Variants in LRRC43 observed in about 807,000 individuals in gnomAD.
LRRC43 encodes leucine rich repeat containing 43.
Under a neutral mutation model 64.3 loss-of-function variants are expected in LRRC43, and 62 were observed. The ratio of observed to expected loss-of-function variants is 0.96; its 90% CI spans 0.79 to 1.19. LRRC43 has a LOEUF of 1.19. LRRC43 is among the 50% of genes most tolerant of loss of function. The pLI is 0.00. For missense variants in LRRC43, 868 were observed against 845.0 expected (o/e 1.03, Z -0.34); for synonymous variants, 422 against 382.3 (o/e 1.10, Z -1.21).
intron 1 of LRRC43, among the ~76,000 whole-genome samples, chr12:122,174,844 C>CTTT: frequency 7.0e-6 from 1 of 142,308 alleles, no homozygotes; most frequent in Non-Finnish European, 1.5e-5. Context: ...TATCTTTTTT[C>CTTT]TTTTTTTTTT....
At chr12:122,195,279 C>A (rs143986943) in intron 7 of LRRC43, among the ~76,000 whole-genome samples, 1 of 151,456 alleles carries the variant, frequency 6.6e-6, no homozygotes, top group African/African-American at 2.4e-5. Context: ...GAGGGAGTCT[C>A]GCCCTGTTGC....
chr12:122,170,971 C>T (rs573767163), intron 1 of LRRC43, among the ~76,000 whole-genome samples: 8 of 152,312 alleles, frequency 5.3e-5, no homozygotes, highest in East Asian at 1.9e-4. Context: ...AATGTTGCCA[C>T]GGGCTGCTGC....
intron 1 of LRRC43, among the ~76,000 whole-genome samples, chr12:122,176,459 G>A (rs985469389): frequency 6.6e-6 from 1 of 152,068 alleles, no homozygotes; most frequent in Non-Finnish European, 1.5e-5. Context: ...GCAGTGCTGG[G>A]CGGCTTTCAG....
intron 7 of LRRC43, among the ~76,000 whole-genome samples, chr12:122,197,532 G>A (rs1467789982): frequency 7.9e-5 from 12 of 152,154 alleles, no homozygotes; most frequent in Middle Eastern, 3.4e-3. Context: ...TGCCTGAGTC[G>A]TGAGGTTCGT....
At chr12:122,186,555 T>G (rs111227590) in intron 3 of LRRC43, among the ~76,000 whole-genome samples, 2,208 of 152,304 alleles carry the variant, frequency 0.014, 54 homozygotes, top group African/African-American at 0.05. Flanking sequence ...AGTTCAGAGC[T>G]GCGTTACTCA....
Position 122,203,464 on chromosome 12 carries a change from T to C in LRRC43, c.*22T>C. 5 of 1,584,712 alleles carry C rather than the reference T, an allele frequency of 3.2e-6. No homozygotes were observed. Among genetic ancestry groups the C allele is most frequent in the Non-Finnish European group, 4.3e-6 (5 of 1,165,426 alleles). On this transcript the variant is annotated 3_prime_UTR_variant, in exon 12 of 12. Transcript: ENST00000339777. Reference sequence around the variant, plus strand: ...GTAGGGCGTGGGCAGTAAAGGCTGTTCCCAGCACTCCCGCCTCCGCTTCTG... The same window carrying C: ...GTAGGGCGTGGGCAGTAAAGGCTGTCCCCAGCACTCCCGCCTCCGCTTCTG...
Position 122,192,375 on chromosome 12 carries a change from A to G in LRRC43, c.1090-370A>G, listed in dbSNP as rs563208463. On this transcript the variant is annotated intron_variant, in intron 6 of 11. Transcript: ENST00000339777. ...ATGGCCTGGATCTCCTGACCTCGTG[A>G]TCCGCCTGCCTCGGCCTCCCAAAGT... is the stretch of plus-strand genomic sequence containing the variant. 8.7e-4 allele frequency among the ~76,000 whole-genome samples: 132 copies of G among 150,988 alleles called. 1 individual carries two copies. The highest frequency in any genetic ancestry group is 3.0e-3 in the African/African-American group (124 of 41,156).
rs983834640 is a variant in LRRC43, at chr12:122,187,389, G to A, written c.523-312G>A. On this transcript the variant is annotated intron_variant, in intron 3 of 11. Transcript: ENST00000339777. Reference sequence around the variant, plus strand: ...CCTTATCCATCTAGGAGCCCTTTTGGCCTCCCAGAGACGCATTCCTATGGG... The same window carrying A: ...CCTTATCCATCTAGGAGCCCTTTTGACCTCCCAGAGACGCATTCCTATGGG... 16 of 244,836 alleles carry A rather than the reference G, an allele frequency of 6.5e-5. No individual in the cohort carries two copies. In the East Asian group the frequency reaches 1.2e-3, roughly 19 times the overall value. The allele number at this position is 244,836 out of a possible 1,614,324, so 15.2% of individuals were successfully genotyped here. A position where few individuals can be genotyped will look rare whatever the true frequency, so the allele number is the denominator to read the frequency against.
At position 122,190,271 on chromosome 12, in the gene LRRC43, C is replaced by T; in HGVS notation, c.804C>T (p.Gly268=). 6 of 1,614,210 alleles carry T rather than the reference C, an allele frequency of 3.7e-6. No homozygotes were observed. Among genetic ancestry groups the T allele is most frequent in the South Asian group, 1.1e-5 (1 of 91,086 alleles). The change falls in exon 5 of 12, where the codon GGC becomes GGT. Residue 268 remains glycine (G), a synonymous_variant. Transcript: ENST00000339777. ...TGGCCTTGGTGCCCTACTACCGCGG[C>T]CTCACCATCGACAGCCTGGCCCAGC... ...NPLALVPYYR[G]LTIDSLAQLC...
chr12:122,168,473 A>G (rs1953459194), intron 1 of LRRC43, among the ~76,000 whole-genome samples: 1 of 149,524 alleles, frequency 6.7e-6, no homozygotes, highest in African/African-American at 2.5e-5. Flanking sequence ...GGTTCTCACC[A>G]TGTTGGGATC....
intron 1 of LRRC43, among the ~76,000 whole-genome samples, chr12:122,168,301 C>T (rs1484005193): frequency 5.3e-5 from 8 of 151,288 alleles, no homozygotes; most frequent in Middle Eastern, 3.4e-3. Context: ...ATTAGCTGGG[C>T]GTGGTGGTGC....
upstream of LRRC43, chr12:122,183,114 C>T: frequency 4.6e-6 from 7 of 1,526,392 alleles, no homozygotes; most frequent in Non-Finnish European, 5.3e-6. Flanking sequence ...CGCACGCGTC[C>T]TAGCGGTTGC....
intron 7 of LRRC43, among the ~76,000 whole-genome samples, chr12:122,194,605 C>T (rs1408828068): frequency 6.6e-6 from 1 of 151,322 alleles, no homozygotes; most frequent in Non-Finnish European, 1.5e-5. Flanking sequence ...AAAGGATTTA[C>T]TTTCTGGTTT....
chr12:122,199,231 C>T (rs1247518919), intron 7 of LRRC43, among the ~76,000 whole-genome samples: 1 of 150,664 alleles, frequency 6.6e-6, no homozygotes, highest in South Asian at 2.1e-4. Flanking sequence ...TAGGAAACTC[C>T]AGTCCCCTCT....
Position 122,183,203 on chromosome 12 carries a change from A to G in LRRC43, c.59A>G (p.Gln20Arg). The G allele has an allele frequency of 6.4e-7, 1 of 1,564,440 alleles. No homozygotes were observed. The highest frequency in any genetic ancestry group is 1.2e-5 in the South Asian group (1 of 86,552). Reference sequence around the variant, plus strand: ...GAGTCTGAGGCCGGGCCTGGGACTCAGCGGCCCGGGACCGGGACCGTGAGC... The same window carrying G: ...GAGTCTGAGGCCGGGCCTGGGACTCGGCGGCCCGGGACCGGGACCGTGAGC... ...ESESEAGPGTQRPGTGTVSAA... is the reference protein window; with the variant it reads ...ESESEAGPGTRRPGTGTVSAA... Residue 20 changes from glutamine (Q) to arginine (R), a missense_variant, in exon 1 of 12, where the codon CAG (glutamine) becomes CGG (arginine). By Grantham distance (43) the Gln-to-Arg change is conservative. Coordinates refer to ENST00000339777, the MANE Select transcript of LRRC43 (RefSeq NM_001098519.2).
At chr12:122,189,611 G>A (rs1000805950) in intron 4 of LRRC43, 80 of 396,584 alleles carry the variant, frequency 2.0e-4, no homozygotes, top group Middle Eastern at 5.0e-4. Context: ...TTTCCTCCTG[G>A]GGTCCCGCCC....
intron 11 of LRRC43, chr12:122,202,526 G>T (rs1402469988): frequency 2.0e-5 from 3 of 152,166 alleles, no homozygotes; most frequent in Non-Finnish European, 2.9e-5. Context: ...ATTTTACCAT[G>T]CAGTTTGTAA....
chr12:122,203,379 G>A lies in LRRC43; in HGVS notation c.1908G>A (p.Glu636=). The A allele has an allele frequency of 6.2e-7, 1 of 1,613,418 alleles. No individual in the cohort carries two copies. The highest frequency in any genetic ancestry group is 8.5e-7 in the Non-Finnish European group (1 of 1,179,926). Residue 636 remains glutamate, a synonymous_variant, in exon 12 of 12, where the codon GAG becomes GAA. Coordinates refer to ENST00000339777, the MANE Select transcript of LRRC43 (RefSeq NM_001098519.2). ...GDYHPEPLTV[E]VQIQLNQCRS... ...ACCACCCTGAGCCCCTGACCGTAGA[G>A]GTGCAGATCCAGCTGAACCAGTGCC...
Position 122,183,308 on chromosome 12 carries a change from G to C in LRRC43, c.150+14G>C, listed in dbSNP as rs1195914766. The C allele has an allele frequency of 1.3e-6, 2 of 1,484,970 alleles. No homozygotes were observed. The highest frequency in any genetic ancestry group is 1.8e-6 in the Non-Finnish European group (2 of 1,131,522). 92.0% of individuals were successfully genotyped at this position (1,484,970 alleles called of 1,614,324 possible). On this transcript the variant is annotated intron_variant, in intron 1 of 11. Coordinates refer to ENST00000339777, the MANE Select transcript of LRRC43 (RefSeq NM_001098519.2). The stretch of plus-strand genomic sequence containing the variant: ...GCCGGCAGCTGGGTGCGGGCGCCGG[G>C]GCCGGAACTCTGGGGGCCTGGACCG...
Sources: gnomAD v4.1 joint callset for allele counts (sites outside exome capture counted in the v4.1 genomes callset) on GRCh38, gnomAD v4.1.1 for gene constraint, MANE v1.5 for transcripts, NCBI Gene and HGNC (gene_info 2026-07-23, HGNC 2026-07-21) for gene names.